Variants in ABCD3 observed in about 807,000 individuals in gnomAD.
ABCD3 encodes ATP binding cassette subfamily D member 3.
Under a neutral mutation model 105.5 loss-of-function variants are expected in ABCD3, and 41 were observed. The observed-to-expected ratio is 0.39, with a 90% CI of 0.30 to 0.50. The LOEUF (loss-of-function observed/expected upper bound fraction) is 0.50. Among genes scored for constraint, ABCD3 ranks in the 20% least tolerant of loss-of-function variants. The pLI, the probability that ABCD3 is intolerant of heterozygous loss-of-function variation, is 0.84. For synonymous variants in ABCD3, 258 were observed against 269.0 expected (o/e 0.96, Z 0.40); for missense variants, 622 against 806.3 (o/e 0.77, Z 2.77).
At chr1:94,497,653 T>C (rs1649887339) in intron 16 of ABCD3, among the ~76,000 whole-genome samples, 1 of 152,236 alleles carries the variant, frequency 6.6e-6, no homozygotes, top group Non-Finnish European at 1.5e-5. Flanking sequence ...AGTGCACATA[T>C]ATTTTGATAA....
At chr1:94,483,349 A>G (rs1570802739) in intron 10 of ABCD3, 110 bp downstream of exon 10, 4 of 767,100 alleles carry the variant, frequency 5.2e-6, no homozygotes, top group East Asian at 2.6e-5. Context: ...ACACGTATGT[A>G]TACATATCTT....
chr1:94,480,292 G>A (rs1006969425), intron 8 of ABCD3, 172 bp from the exon 9 acceptor site: 11 of 686,494 alleles, frequency 1.6e-5, no homozygotes, highest in Non-Finnish European at 2.2e-5. Context: ...TAGTAAAAGT[G>A]TAGAGGCTAC....
chr1:94,486,976 A>G (rs1273261848), intron 10 of ABCD3, among the ~76,000 whole-genome samples: 1 of 152,214 alleles, frequency 6.6e-6, no homozygotes. Flanking sequence ...TCCAGAATAA[A>G]AAAGCAGTTT....
At chr1:94,492,376 T>TTAAGCACA (rs371392659) in intron 16 of ABCD3, among the ~76,000 whole-genome samples, 36 of 152,344 alleles carry the variant, frequency 2.4e-4, no homozygotes, top group African/African-American at 8.7e-4. Context: ...GTAATTTATA[T>TTAAGCACA]TAAGCACATG....
In ABCD3 at chr1:94,418,790, G is replaced by C. The variant is rs1420885003; in HGVS notation, c.110+202G>C. 5 of 598,252 alleles carry C rather than the reference G, an allele frequency of 8.4e-6. No homozygotes were observed. The Admixed American group carries it at 9.2e-5, about 11-fold the overall frequency. The allele number at this position is 598,252 out of a possible 1,614,324, so 37.1% of individuals were successfully genotyped here. On this transcript the variant is annotated intron_variant, in intron 1 of 22. Transcript: ENST00000370214. ...GCGTCGGTCCCAGCTGGCCTGTCCGGCGACCTCGCTCCACCCCGGGAGTGC... is the reference window on the plus strand; with the variant it reads ...GCGTCGGTCCCAGCTGGCCTGTCCGCCGACCTCGCTCCACCCCGGGAGTGC...
At chr1:94,467,244 C>T (rs955423219) in intron 3 of ABCD3, among the ~76,000 whole-genome samples, 1 of 151,986 alleles carries the variant, frequency 6.6e-6, no homozygotes, top group Non-Finnish European at 1.5e-5. Flanking sequence ...TACCTTTAAT[C>T]CTCATTCTCT....
intron 9 of ABCD3, among the ~76,000 whole-genome samples, chr1:94,480,875 C>G (rs1311179030): frequency 6.6e-6 from 1 of 152,198 alleles, no homozygotes; most frequent in Admixed American, 6.5e-5. Context: ...CAGACATAAT[C>G]AGTTTACAAT....
At chr1:94,406,898 A>G in the ABCD3 span, 7 of 159,306 alleles carry the variant, frequency 4.4e-5, no homozygotes, top group African/African-American at 7.2e-5. Flanking sequence ...CGAATGACTG[A>G]AAGATGGTGG....
chr1:94,507,505 C>T (rs1030270023), intron 21 of ABCD3, among the ~76,000 whole-genome samples: 11 of 152,176 alleles, frequency 7.2e-5, no homozygotes, highest in South Asian at 2.1e-4. Context: ...GGTATACACC[C>T]AGTAATGGGA....
chr1:94,423,172 C>G (rs1463926331), intron 1 of ABCD3, among the ~76,000 whole-genome samples: 1 of 152,218 alleles, frequency 6.6e-6, no homozygotes, highest in African/African-American at 2.4e-5. Context: ...CAACTCTTGT[C>G]ATCCTTGAAG....
chr1:94,438,301 TACACACAC>T (rs58959540), intron 1 of ABCD3, among the ~76,000 whole-genome samples: 5,996 of 128,224 alleles, frequency 0.047, 165 homozygotes, highest in South Asian at 0.095. Context: ...CACACACACA[TACACACAC>T]ACACACACAC....
At chr1:94,424,064 G>A (rs1463521853) in intron 1 of ABCD3, among the ~76,000 whole-genome samples, 6 of 152,116 alleles carry the variant, frequency 3.9e-5, no homozygotes, top group Admixed American at 3.9e-4. Context: ...AAATAAAAAA[G>A]AGATGCTTAA....
At chr1:94,392,828 T>TTA in the ABCD3 span, among the ~76,000 whole-genome samples, 2 of 152,092 alleles carry the variant, frequency 1.3e-5, no homozygotes, top group Non-Finnish European at 2.9e-5. Context: ...AAAGTCTTAT[T>TTA]GTAGGCTGGG....
At chr1:94,401,884 T>A in the ABCD3 span, among the ~76,000 whole-genome samples, 1 of 152,322 alleles carries the variant, frequency 6.6e-6, no homozygotes, top group African/African-American at 2.4e-5. Flanking sequence ...CATTTGTAAA[T>A]ACCCATAAAA....
intron 16 of ABCD3, among the ~76,000 whole-genome samples, chr1:94,495,037 C>G (rs1292346335): frequency 6.6e-6 from 1 of 152,076 alleles, no homozygotes; most frequent in Non-Finnish European, 1.5e-5. Flanking sequence ...GCGGAGATCG[C>G]ACCACTATAC....
the ABCD3 span, among the ~76,000 whole-genome samples, chr1:94,394,058 A>G: frequency 6.6e-6 from 1 of 152,188 alleles, no homozygotes; most frequent in African/African-American, 2.4e-5. Flanking sequence ...GGTATTTTTA[A>G]CTTTTGGAGC....
At chr1:94,500,899 T>G (rs373248709) in intron 20 of ABCD3, among the ~76,000 whole-genome samples, 15 of 152,228 alleles carry the variant, frequency 9.9e-5, no homozygotes, top group African/African-American at 3.1e-4. Context: ...TTTGAAATGA[T>G]TAGGCATTTC....
the ABCD3 span, among the ~76,000 whole-genome samples, chr1:94,412,481 C>A: frequency 6.6e-6 from 1 of 152,120 alleles, no homozygotes; most frequent in Non-Finnish European, 1.5e-5. Flanking sequence ...TTGCTTCATT[C>A]TTTTAATGAG....
Position 94,517,215 on chromosome 1 carries a change from G to C in ABCD3, c.*86G>C. 1 of 1,037,502 alleles carries C rather than the reference G, an allele frequency of 9.6e-7. No homozygotes were observed. Among genetic ancestry groups the C allele is most frequent in the Non-Finnish European group, 1.5e-6 (1 of 677,540 alleles). The allele number at this position is 1,037,502 out of a possible 1,614,324, so 64.3% of individuals were successfully genotyped here. A position where few individuals can be genotyped will look rare whatever the true frequency, so the allele number is the denominator to read the frequency against. On this transcript the variant is annotated 3_prime_UTR_variant, in exon 23 of 23. Coordinates refer to ENST00000370214, the MANE Select transcript of ABCD3 (RefSeq NM_002858.4). The stretch of plus-strand genomic sequence containing the variant: ...AAAGTACATTGTAAAATAAAGTTGA[G>C]CTTAGTTTTTTTTAAAAAAAAAAAC...
Sources: allele counts gnomAD v4.1 joint callset (sites outside exome capture counted in the v4.1 genomes callset), GRCh38; gene constraint gnomAD v4.1.1; transcripts MANE v1.5; gene names NCBI Gene and HGNC (gene_info 2026-07-23, HGNC 2026-07-21).